Variants in PTPRD observed in about 807,000 individuals in gnomAD.
The protein encoded by PTPRD is protein tyrosine phosphatase receptor type D, also known as receptor-type tyrosine-protein phosphatase delta.
Under a neutral mutation model 214.5 loss-of-function variants are expected in PTPRD, and 34 were observed. The ratio of observed to expected loss-of-function variants is 0.16; its 90% confidence interval spans 0.12 to 0.21. The LOEUF is 0.21. PTPRD is among the 10% of genes least tolerant of loss of function. The pLI, the probability that PTPRD is intolerant of heterozygous loss-of-function variation, is 1.00. For synonymous variants in PTPRD, 1,128 were observed against 845.7 expected (o/e 1.33, Z -5.79); for missense variants, 2,545 against 2,398.7 (o/e 1.06, Z -1.27).
intron 9 of PTPRD, among the ~76,000 whole-genome samples, chr9:9,257,931 A>C (rs1177815355): frequency 6.6e-6 from 1 of 152,042 alleles, no homozygotes; most frequent in Non-Finnish European, 1.5e-5. Flanking sequence ...AATCACATAC[A>C]ATGCTATTAA....
intron 2 of PTPRD, among the ~76,000 whole-genome samples, chr9:10,512,459 G>T (rs1020175730): frequency 2.0e-5 from 3 of 152,078 alleles, no homozygotes; most frequent in African/African-American, 7.2e-5. Context: ...GCTTGAAGAT[G>T]CTATACAGAG....
intron 7 of PTPRD, among the ~76,000 whole-genome samples, chr9:9,728,936 T>C (rs73392815): frequency 0.053 from 8,056 of 152,160 alleles, 640 homozygotes; most frequent in African/African-American, 0.17. Flanking sequence ...TCCCAAGTCT[T>C]CTATTTTGGA....
In PTPRD at chr9:8,317,780, TAAG is replaced by T; in HGVS notation, c.*91_*93del. 3 of 1,091,212 alleles carry T rather than the reference TAAG, an allele frequency of 2.7e-6. No individual in the cohort carries two copies. The highest frequency in any genetic ancestry group is 2.4e-5 in the East Asian group (1 of 41,950). 67.6% of individuals were successfully genotyped at this position (1,091,212 alleles called of 1,614,324 possible). A position where few individuals can be genotyped will look rare whatever the true frequency, so the allele number is the denominator to read the frequency against. On this transcript the variant is annotated 3_prime_UTR_variant, in exon 46 of 46. Transcript: ENST00000381196. ...CACTAAGTAGTTGTTAGCTAGAAGT[TAAG>T]AAGGACTTCTCAAGTGCCCTGTATG...
At chr9:9,726,315 C>A (rs1391676537) in intron 7 of PTPRD, among the ~76,000 whole-genome samples, 1 of 152,140 alleles carries the variant, frequency 6.6e-6, no homozygotes, top group Non-Finnish European at 1.5e-5. Context: ...AAATCATACA[C>A]CTTCCCAGGC....
intron 2 of PTPRD, among the ~76,000 whole-genome samples, chr9:10,578,355 C>G (rs2070326574): frequency 6.6e-6 from 1 of 152,010 alleles, no homozygotes; most frequent in South Asian, 2.1e-4. Flanking sequence ...AAAATTCATA[C>G]TTATAAAATT....
intron 9 of PTPRD, among the ~76,000 whole-genome samples, chr9:9,364,234 A>G (rs1264266396): frequency 6.6e-6 from 1 of 151,386 alleles, no homozygotes; most frequent in East Asian, 2.0e-4. Flanking sequence ...TATGCACATA[A>G]AGTCTGTGTA....
chr9:10,534,219 A>G (rs958333372), intron 2 of PTPRD, among the ~76,000 whole-genome samples: 2 of 151,962 alleles, frequency 1.3e-5, no homozygotes, highest in Non-Finnish European at 2.9e-5. Context: ...CTTTAACATC[A>G]GAGTTCTAAA....
Position 8,645,815 on chromosome 9 carries a change from T to C in PTPRD, c.65-8971A>G, listed in dbSNP as rs1171313956. Among the ~76,000 whole-genome samples, 12 of 133,192 alleles carry C rather than the reference T, an allele frequency of 9.0e-5. No homozygotes were observed. In the Admixed American group the frequency reaches 9.5e-4, roughly 11 times the overall value. The allele number at this position is 133,192 out of a possible 152,430, so 87.4% of individuals were successfully genotyped here. A position where few individuals can be genotyped will look rare whatever the true frequency, so the allele number is the denominator to read the frequency against. ...ATTGTTGTGTTGAAAACATACCATGTCATTTGCCTTCCCAGTCCTTCTCCT... is the reference window on the plus strand; with the variant it reads ...ATTGTTGTGTTGAAAACATACCATGCCATTTGCCTTCCCAGTCCTTCTCCT... On this transcript the variant is annotated intron_variant, in intron 12 of 45. Transcript: ENST00000381196.
chr9:8,666,796 G>A (rs1254970487), intron 12 of PTPRD, among the ~76,000 whole-genome samples: 4 of 152,022 alleles, frequency 2.6e-5, no homozygotes, highest in Admixed American at 6.6e-5. Context: ...CTGCCCCCTC[G>A]AGTGAATGCT....
At chr9:9,751,045 G>A (rs1029433329) in intron 6 of PTPRD, among the ~76,000 whole-genome samples, 2 of 152,036 alleles carry the variant, frequency 1.3e-5, no homozygotes, top group African/African-American at 2.4e-5. Context: ...CAGAATGTTC[G>A]TGGCCTCTCC....
At chr9:10,278,937 G>A (rs2094913389) in intron 3 of PTPRD, among the ~76,000 whole-genome samples, 1 of 151,882 alleles carries the variant, frequency 6.6e-6, no homozygotes, top group South Asian at 2.1e-4. Context: ...ACCACGCCAG[G>A]CTAATTTTTT....
chr9:9,365,279 G>A (rs1456046756), intron 9 of PTPRD, among the ~76,000 whole-genome samples: 3 of 151,544 alleles, frequency 2.0e-5, no homozygotes, highest in Non-Finnish European at 3.0e-5. Flanking sequence ...ATATCCAGCA[G>A]TGAGATTTAA....
chr9:9,504,932 G>T (rs75503924), intron 8 of PTPRD, among the ~76,000 whole-genome samples: 1,975 of 151,716 alleles, frequency 0.013, 41 homozygotes, highest in African/African-American at 0.045. Context: ...AATGATTGCA[G>T]TAGAGAGGCT....
At chr9:9,003,404 T>C (rs1195462062) in intron 11 of PTPRD, among the ~76,000 whole-genome samples, 3 of 152,014 alleles carry the variant, frequency 2.0e-5, no homozygotes, top group Admixed American at 2.0e-4. Context: ...GCCCCAACTA[T>C]TAAAATATGC....
At chr9:9,679,411 G>T (rs1327873246) in intron 7 of PTPRD, among the ~76,000 whole-genome samples, 3 of 151,756 alleles carry the variant, frequency 2.0e-5, no homozygotes, top group African/African-American at 7.3e-5. Flanking sequence ...ACCTATAGAA[G>T]AAACAAACTG....
intron 8 of PTPRD, among the ~76,000 whole-genome samples, chr9:9,415,099 T>G (rs2076611092): frequency 6.6e-6 from 1 of 152,188 alleles, no homozygotes; most frequent in African/African-American, 2.4e-5. Context: ...ATGTAGTCAG[T>G]CTTGCTCAGA....
At chr9:9,373,508 A>T (rs1372533462) in intron 9 of PTPRD, among the ~76,000 whole-genome samples, 2 of 152,072 alleles carry the variant, frequency 1.3e-5, no homozygotes, top group Non-Finnish European at 2.9e-5. Flanking sequence ...CTCAAAGGGT[A>T]TTCAGGACTG....
intron 11 of PTPRD, among the ~76,000 whole-genome samples, chr9:9,008,647 G>A (rs1280791741): frequency 2.0e-5 from 3 of 152,246 alleles, no homozygotes; most frequent in Admixed American, 6.5e-5. Context: ...ATGCAAGAAA[G>A]GAAGTGTGAA....
intron 3 of PTPRD, among the ~76,000 whole-genome samples, chr9:10,093,998 C>G (rs907089876): frequency 1.6e-4 from 24 of 151,400 alleles, no homozygotes; most frequent in African/African-American, 4.3e-4. Flanking sequence ...TGCTCACTAC[C>G]TGGGTGATAG....
Sources: gnomAD v4.1 joint callset for allele counts (sites outside exome capture counted in the v4.1 genomes callset) on GRCh38, gnomAD v4.1.1 for gene constraint, MANE v1.5 for transcripts, NCBI Gene and HGNC (gene_info 2026-07-23, HGNC 2026-07-21) for gene names.